Variants in RGS20 observed in about 807,000 individuals in gnomAD.
RGS20 encodes gz-selective GTPase-activating protein.
Under a neutral mutation model 33.6 loss-of-function variants are expected in RGS20, and 30 were observed. The observed-to-expected ratio is 0.89, with a 90% CI of 0.67 to 1.21. The LOEUF is 1.21. Among genes scored for constraint, RGS20 ranks in the 50% most tolerant of loss-of-function variants. RGS20 has a pLI of 0.00. For missense variants in RGS20, 472 were observed against 502.4 expected, an observed-to-expected ratio of 0.94 and a Z score of 0.58; for synonymous variants, 208 against 197.9, an observed-to-expected ratio of 1.05 and a Z score of -0.43.
At chr8:53,947,676 GTACA>G (rs1253066394) in intron 4 of RGS20, among the ~76,000 whole-genome samples, 1 of 89,830 alleles carries the variant, frequency 1.1e-5, no homozygotes, top group Non-Finnish European at 2.0e-5. Context: ...ATAGGATATA[GTACA>G]TACATTTATA....
chr8:53,899,946 G>T (rs1409315260), intron 2 of RGS20, among the ~76,000 whole-genome samples: 4 of 152,112 alleles, frequency 2.6e-5, no homozygotes, highest in Non-Finnish European at 5.9e-5. Context: ...AAGGTGCTCT[G>T]CTTGGTGAAC....
chr8:53,931,420 TGGTG>T (rs1240996916), intron 2 of RGS20, among the ~76,000 whole-genome samples: 1 of 152,124 alleles, frequency 6.6e-6, no homozygotes, highest in African/African-American at 2.4e-5. Context: ...CTGGGCGTGG[TGGTG>T]GGCACCTGTA....
chr8:53,859,840 G>A (rs369054370), intron 1 of RGS20, among the ~76,000 whole-genome samples: 28 of 152,230 alleles, frequency 1.8e-4, no homozygotes, highest in Non-Finnish European at 3.2e-4. Flanking sequence ...TAAAGCCGTC[G>A]GATCTCATGA....
At chr8:53,867,426 G>T (rs16919618) in intron 1 of RGS20, among the ~76,000 whole-genome samples, 6,888 of 152,134 alleles carry the variant, frequency 0.045, 449 homozygotes, top group African/African-American at 0.15. Context: ...GATGAAATAT[G>T]ACAGTATGAA....
At chr8:53,925,349 G>A (rs911758258) in intron 2 of RGS20, among the ~76,000 whole-genome samples, 1 of 152,096 alleles carries the variant, frequency 6.6e-6, no homozygotes, top group African/African-American at 2.4e-5. Context: ...GAAGTGATGG[G>A]TGGAATGGAT....
chr8:53,924,385 A>G (rs888976021), intron 2 of RGS20, among the ~76,000 whole-genome samples: 1 of 151,964 alleles, frequency 6.6e-6, no homozygotes, highest in Non-Finnish European at 1.5e-5. Context: ...ACGGGGTTTC[A>G]CCATGTTGGC....
Position 53,939,623 on chromosome 8 carries a change from C to T in RGS20, c.558C>T (p.Ala186=), listed in dbSNP as rs781027849. 5 of 1,603,366 alleles carry T rather than the reference C, an allele frequency of 3.1e-6. No individual in the cohort carries two copies. Among genetic ancestry groups the T allele is most frequent in the East Asian group, 2.3e-5 (1 of 44,378 alleles). The change falls in exon 3 of 6, where the codon GCC becomes GCT. Residue 186 remains alanine (A), a synonymous_variant. Coordinates refer to ENST00000297313, the MANE Select transcript of RGS20 (RefSeq NM_170587.4). ...AGATGCGGAAGCGGCAGATGCCCGC[C>T]GCCCAGGACACACCAGGCGCCGCCC...
chr8:53,913,491 A>G (rs1813403388), intron 2 of RGS20: 1 of 152,224 alleles, frequency 6.6e-6, no homozygotes, highest in South Asian at 2.1e-4. Flanking sequence ...CCTTATTTGG[A>G]AACAGGGTCT....
intron 2 of RGS20, among the ~76,000 whole-genome samples, chr8:53,884,817 C>T (rs1374170046): frequency 1.3e-5 from 2 of 152,210 alleles, no homozygotes; most frequent in African/African-American, 4.8e-5. Flanking sequence ...ACTGTTGTCC[C>T]ACAGCTTTAT....
chr8:53,956,303 A>G (rs1439805044), intron 5 of RGS20, among the ~76,000 whole-genome samples: 1 of 152,146 alleles, frequency 6.6e-6, no homozygotes, highest in Admixed American at 6.5e-5. Flanking sequence ...GGAGACTTAG[A>G]GAAGGGGTAG....
chr8:53,877,886 A>G lies in RGS20; in HGVS notation c.166-1372A>G, dbSNP rs1220739610. Among the ~76,000 whole-genome samples, 1 of 152,114 alleles carries G rather than the reference A, an allele frequency of 6.6e-6. No individual in the cohort carries two copies. Among genetic ancestry groups the G allele is most frequent in the Non-Finnish European group, 1.5e-5 (1 of 68,016 alleles). On this transcript the variant is annotated intron_variant, in intron 1 of 5. Coordinates refer to ENST00000297313, the MANE Select transcript of RGS20 (RefSeq NM_170587.4). This position sits in a 1 kb window ranked among gnomAD's most constrained non-coding sequence, Gnocchi z 5.7. ...AGGTTTCCTTCCCTCTCTCCTGACA[A>G]TCGCTTCCCACAAGACTTCCACCGC...
chr8:53,916,559 G>A (rs1813487800), intron 2 of RGS20, among the ~76,000 whole-genome samples: 1 of 152,254 alleles, frequency 6.6e-6, no homozygotes, highest in South Asian at 2.1e-4. Flanking sequence ...GAGAAGTATG[G>A]TTGTTGGCCT....
rs1167253872 is a variant in RGS20 at position 53,851,969 on chromosome 8, C to G, written c.70C>G (p.Gln24Glu). The G allele has an allele frequency of 6.2e-7, 1 of 1,614,150 alleles. No homozygotes were observed. Among genetic ancestry groups the G allele is most frequent in the South Asian group, 1.1e-5 (1 of 91,088 alleles). Residue 24 changes from glutamine (Q) to glutamate (E), a missense_variant, in exon 1 of 6, where the codon CAG becomes GAG. Coordinates refer to ENST00000297313, the MANE Select transcript of RGS20 (RefSeq NM_170587.4). The stretch of plus-strand genomic sequence containing the variant: ...TTTCTCCAGGCCGTCTATATGGACA[C>G]AGTTTCTGCCCCTGTTCAGGGCTCA...
chr8:53,888,506 AG>A (rs1812610594), intron 2 of RGS20, among the ~76,000 whole-genome samples: 2 of 152,240 alleles, frequency 1.3e-5, no homozygotes, highest in African/African-American at 4.8e-5. Flanking sequence ...CTCCTTATTG[AG>A]GGGGGCTGTC....
chr8:53,958,410 C>A lies in RGS20; in HGVS notation c.1119C>A (p.Val373=). 2 of 1,610,646 alleles carry A rather than the reference C, an allele frequency of 1.2e-6. No homozygotes were observed. Among genetic ancestry groups the A allele is most frequent in the Non-Finnish European group, 1.7e-6 (2 of 1,178,042 alleles). The stretch of plus-strand genomic sequence containing the variant: ...ATCCTCGATTCATGAACTCTGCTGT[C>A]TATAAGGACTTGCTTCAGTCCTTAT... Residue 373 remains valine (V), a synonymous_variant, in exon 6 of 6, where the codon GTC becomes GTA. Transcript: ENST00000297313.
chr8:53,909,237 A>G (rs1180350365), intron 2 of RGS20, among the ~76,000 whole-genome samples: 3 of 129,058 alleles, frequency 2.3e-5, no homozygotes, highest in African/African-American at 9.4e-5. Flanking sequence ...ATATATATAT[A>G]TATATATATA....
At chr8:53,867,930 G>T (rs539851238) in intron 1 of RGS20, among the ~76,000 whole-genome samples, 1 of 152,226 alleles carries the variant, frequency 6.6e-6, no homozygotes, top group Admixed American at 6.5e-5. Context: ...TTGCCACATT[G>T]CCCAGGCTGG....
intron 2 of RGS20, among the ~76,000 whole-genome samples, chr8:53,893,465 A>G (rs1812772333): frequency 6.6e-6 from 1 of 152,176 alleles, no homozygotes; most frequent in Non-Finnish European, 1.5e-5. Flanking sequence ...AAGGCCTTGG[A>G]CTTATCTCAG....
chr8:53,948,522 T>TAA (rs1217004586), intron 4 of RGS20, among the ~76,000 whole-genome samples: 11 of 102,506 alleles, frequency 1.1e-4, no homozygotes, highest in South Asian at 3.4e-4. Flanking sequence ...ATGCTATATA[T>TAA]GATACAGTAT....
Sources: gnomAD v4.1 joint callset for allele counts (sites outside exome capture counted in the v4.1 genomes callset) on GRCh38, gnomAD v4.1.1 for gene constraint, Gnocchi (gnomAD v3.1) non-coding constraint, MANE v1.5 for transcripts, NCBI Gene and HGNC (gene_info 2026-07-23, HGNC 2026-07-21) for gene names.